The following SPIDR variants were observed in gnomAD, a reference collection of about 807,000 sequenced individuals.
The protein encoded by SPIDR is scaffold protein involved in DNA repair, also known as DNA repair-scaffolding protein.
A neutral mutation model predicts 104.6 loss-of-function variants in SPIDR; 93 were observed. That is an observed-to-expected ratio of 0.89 (90% CI 0.75 to 1.06). SPIDR has a LOEUF of 1.06. Among genes scored for constraint, SPIDR ranks in the 50% least tolerant of loss-of-function variants. SPIDR has a pLI of 0.00. For synonymous variants in SPIDR, 431 were observed against 416.9 expected (o/e 1.03, Z -0.41); for missense variants, 1,154 against 1,111.2 (o/e 1.04, Z -0.55).
At chr8:47,437,919 G>T (rs2068670336) in intron 7 of SPIDR, among the ~76,000 whole-genome samples, 1 of 152,206 alleles carries the variant, frequency 6.6e-6, no homozygotes, top group South Asian at 2.1e-4. Context: ...AAATCATGCT[G>T]CTATAAAGTA....
chr8:47,441,722 T>C (rs1360966596), intron 8 of SPIDR, among the ~76,000 whole-genome samples: 1 of 152,204 alleles, frequency 6.6e-6, no homozygotes, highest in Non-Finnish European at 1.5e-5. Flanking sequence ...TTTTCCTTAC[T>C]ATGAGGTGTA....
intron 8 of SPIDR, among the ~76,000 whole-genome samples, chr8:47,507,569 A>G (rs2154374442): frequency 6.6e-6 from 1 of 152,240 alleles, no homozygotes; most frequent in East Asian, 1.9e-4. Flanking sequence ...GCAGGATGCA[A>G]GAGTAGGCAC....
intron 1 of SPIDR, among the ~76,000 whole-genome samples, chr8:47,266,893 C>G (rs2034191123): frequency 1.3e-5 from 2 of 152,188 alleles, no homozygotes; most frequent in Non-Finnish European, 2.9e-5. Flanking sequence ...GTCAGTCACT[C>G]CCCATTCTCT....
intron 10 of SPIDR, among the ~76,000 whole-genome samples, chr8:47,650,783 C>A (rs1236793797): frequency 6.6e-6 from 1 of 151,910 alleles, no homozygotes; most frequent in Non-Finnish European, 1.5e-5. Context: ...AAAGAATAGC[C>A]CAAGAAATAA....
intron 19 of SPIDR, among the ~76,000 whole-genome samples, 200 bp from the exon 20 acceptor site, chr8:47,735,107 T>G (rs796198337): frequency 7.0e-5 from 9 of 128,382 alleles, no homozygotes; most frequent in African/African-American, 2.5e-4. Flanking sequence ...TGTGTGTGTG[T>G]GTGGGTGTGT....
chr8:47,343,689 A>G (rs1554615458), intron 5 of SPIDR, among the ~76,000 whole-genome samples: 1 of 152,178 alleles, frequency 6.6e-6, no homozygotes, highest in African/African-American at 2.4e-5. Context: ...CTGATGGGCT[A>G]AAGTGTGGAA....
chr8:47,659,734 C>T, intron 10 of SPIDR: 1 of 984,966 alleles, frequency 1.0e-6, no homozygotes, highest in Non-Finnish European at 1.2e-6. Context: ...TTTTCTCTCT[C>T]TCTTCTTATC....
intron 6 of SPIDR, among the ~76,000 whole-genome samples, chr8:47,400,979 C>G (rs552310591): frequency 6.6e-6 from 1 of 152,086 alleles, no homozygotes; most frequent in East Asian, 1.9e-4. Context: ...TCAGGAAATA[C>G]AGAGAATGCC....
chr8:47,570,905 A>G (rs1402978107), intron 8 of SPIDR, among the ~76,000 whole-genome samples: 1 of 152,164 alleles, frequency 6.6e-6, no homozygotes, highest in Non-Finnish European at 1.5e-5. Context: ...AGCCTGGCCA[A>G]TATGGTGAAA....
At chr8:47,473,809 G>T (rs782620568) in intron 8 of SPIDR, among the ~76,000 whole-genome samples, 1 of 152,186 alleles carries the variant, frequency 6.6e-6, no homozygotes, top group Non-Finnish European at 1.5e-5. Context: ...GATTTGTGAG[G>T]AACCAGGAGG....
chr8:47,736,262 T>A lies in SPIDR; in HGVS notation c.*812T>A, dbSNP rs1035602952. 1.3e-5 allele frequency: 2 copies of A among 152,282 alleles called. No individual in the cohort carries two copies. Among genetic ancestry groups the A allele is most frequent in the African/African-American group, 4.8e-5 (2 of 41,456 alleles). The allele number at this position is 152,282 out of a possible 1,614,324, so 9.4% of individuals were successfully genotyped here. The stretch of plus-strand genomic sequence containing the variant: ...CTACATCAGATACACGTAGCAGCCG[T>A]GACCAAGACATGGTGCCCTAATACC... On this transcript the variant is annotated 3_prime_UTR_variant, in exon 20 of 20. Coordinates refer to ENST00000297423, the MANE Select transcript of SPIDR (RefSeq NM_001080394.4).
At chr8:47,706,244 T>G (rs924878995) in intron 14 of SPIDR, among the ~76,000 whole-genome samples, 7 of 151,954 alleles carry the variant, frequency 4.6e-5, no homozygotes, top group Admixed American at 2.6e-4. Flanking sequence ...TACAAAAAAA[T>G]TAGCCGGGCG....
rs1293335135 is a variant in SPIDR at position 47,640,954 on chromosome 8, C to T, written c.1545-32847C>T. ...TCTCGAACTCCTGAGCTGAGGCAAT[C>T]TGCCCATCTCGGCCTCCCAAAGCGC... On this transcript the variant is annotated intron_variant, in intron 10 of 19. Transcript: ENST00000297423. Among the ~76,000 whole-genome samples, 6 of 146,066 alleles carry T rather than the reference C, an allele frequency of 4.1e-5. No individual in the cohort carries two copies. The East Asian group carries it at 1.0e-3, about 25-fold the overall frequency.
At chr8:47,719,448 G>T (rs2083064891) in intron 16 of SPIDR, among the ~76,000 whole-genome samples, 1 of 152,038 alleles carries the variant, frequency 6.6e-6, no homozygotes, top group Non-Finnish European at 1.5e-5. Flanking sequence ...GGCAGAGCTT[G>T]CAGTGAGCCG....
At chr8:47,370,750 A>G (rs1554638257) in intron 5 of SPIDR, among the ~76,000 whole-genome samples, 1 of 151,948 alleles carries the variant, frequency 6.6e-6, no homozygotes, top group Non-Finnish European at 1.5e-5. Flanking sequence ...GTGCCTGGCC[A>G]ACATTTATTT....
chr8:47,408,190 A>G (rs558058320), intron 7 of SPIDR, among the ~76,000 whole-genome samples: 8 of 152,176 alleles, frequency 5.3e-5, no homozygotes, highest in Non-Finnish European at 1.0e-4. Context: ...TCTGTGCTAT[A>G]AATCTACCCT....
intron 10 of SPIDR, among the ~76,000 whole-genome samples, chr8:47,619,860 C>T (rs2064882628): frequency 6.6e-6 from 1 of 152,102 alleles, no homozygotes; most frequent in Admixed American, 6.5e-5. Flanking sequence ...GCCACCTGCT[C>T]AGCACATGTA....
Position 47,299,377 on chromosome 8 carries a change from A to G in SPIDR, c.525+5347A>G, listed in dbSNP as rs1392903693. Among the ~76,000 whole-genome samples the G allele has an allele frequency of 2.8e-3, 424 of 152,330 alleles. 1 individual carries two copies. Among genetic ancestry groups the G allele is most frequent in the African/African-American group, 9.9e-3 (412 of 41,566 alleles). Reference sequence around the variant, plus strand: ...TGAGGCAATGGGGTTTTCTAGATATACAATCATGTCATCTGCAAACAGGGA... The same window carrying G: ...TGAGGCAATGGGGTTTTCTAGATATGCAATCATGTCATCTGCAAACAGGGA... On this transcript the variant is annotated intron_variant, in intron 5 of 19. Coordinates refer to ENST00000297423, the MANE Select transcript of SPIDR (RefSeq NM_001080394.4).
intron 5 of SPIDR, among the ~76,000 whole-genome samples, chr8:47,317,477 A>G (rs1198389677): frequency 6.6e-6 from 1 of 152,170 alleles, no homozygotes; most frequent in East Asian, 1.9e-4. Context: ...GATGGAGCCC[A>G]CCACAGTTCA....
Sources: allele counts gnomAD v4.1 joint callset (sites outside exome capture counted in the v4.1 genomes callset), GRCh38; gene constraint gnomAD v4.1.1; transcripts MANE v1.5; gene names NCBI Gene and HGNC (gene_info 2026-07-23, HGNC 2026-07-21).